PLCL2: variants seen among roughly 807,000 people sequenced by gnomAD.
The protein encoded by PLCL2 is phospholipase C like 2, also known as inactive phospholipase C-like protein 2.
PLCL2 carries 4 observed loss-of-function variants against 79.6 expected under a neutral mutation model. That is an observed-to-expected ratio of 0.05 (90% CI 0.02 to 0.11). The LOEUF is 0.11. Among genes scored for constraint, PLCL2 ranks in the 10% least tolerant of loss-of-function variants. PLCL2 has a pLI of 1.00. For synonymous variants in PLCL2, 484 were observed against 457.7 expected (o/e 1.06, Z -0.73); for missense variants, 895 against 1,291.0 (o/e 0.69, Z 4.70).
chr3:17,018,298 A>T (rs1364720936), intron 3 of PLCL2, among the ~76,000 whole-genome samples: 1 of 152,190 alleles, frequency 6.6e-6, no homozygotes, highest in East Asian at 1.9e-4. Context: ...CAAAAGCTGC[A>T]CATAGCAACC....
At chr3:16,938,824 A>T (rs1697606228) in intron 1 of PLCL2, among the ~76,000 whole-genome samples, 1 of 152,204 alleles carries the variant, frequency 6.6e-6, no homozygotes, top group Non-Finnish European at 1.5e-5. Flanking sequence ...TACTGTTTTC[A>T]TATTTGTACC....
At chr3:16,979,866 CGG>C (rs2063964572) in intron 1 of PLCL2, among the ~76,000 whole-genome samples, 1 of 150,590 alleles carries the variant, frequency 6.6e-6, no homozygotes, top group Non-Finnish European at 1.5e-5. Context: ...ACCTCCCAGA[CGG>C]GGTGGTGGCC....
At chr3:16,984,891 C>T (rs1051743049) in intron 1 of PLCL2, among the ~76,000 whole-genome samples, 3 of 151,952 alleles carry the variant, frequency 2.0e-5, no homozygotes, top group Admixed American at 6.6e-5. Context: ...AAGATCACAC[C>T]ACTGCACTCC....
intron 1 of PLCL2, among the ~76,000 whole-genome samples, chr3:16,994,836 TTATTACATCCA>T (rs1319900412): frequency 1.8e-4 from 27 of 152,200 alleles, no homozygotes; most frequent in African/African-American, 6.3e-4. Flanking sequence ...CACAGCTCCG[TTATTACATCCA>T]GCAAATAATC....
Position 17,046,752 on chromosome 3 carries a change from G to C in PLCL2, c.3094+3803G>C, listed in dbSNP as rs547499189. On this transcript the variant is annotated intron_variant, in intron 4 of 5. Transcript: ENST00000615277. ...ATAATTGGCTTAGCTGCCCACTCAG[G>C]AACCTCAATCTGAAGCTGGTCTTGG... Among the ~76,000 whole-genome samples, 11 of 152,256 alleles carry C rather than the reference G, an allele frequency of 7.2e-5. No individual in the cohort carries two copies. The South Asian group carries it at 1.7e-3, about 23-fold the overall frequency.
chr3:17,040,129 T>A (rs1040182336), intron 3 of PLCL2, among the ~76,000 whole-genome samples: 5 of 152,264 alleles, frequency 3.3e-5, no homozygotes, highest in Non-Finnish European at 7.4e-5. Context: ...TTCTTTTTTT[T>A]ATATATATAC....
intron 1 of PLCL2, among the ~76,000 whole-genome samples, chr3:16,954,175 G>A (rs1465269784): frequency 4.0e-5 from 6 of 151,820 alleles, no homozygotes; most frequent in South Asian, 2.1e-4. Flanking sequence ...ATCCCTCCCC[G>A]CTCCCCCCAG....
chr3:16,974,796 G>T lies in PLCL2; in HGVS notation c.328-34878G>T, dbSNP rs540781184. ...TAAGTCCAAAAGTGTTTTCTCAGTA[G>T]CACTAAGATTTAGTACCTTTGAAAA... On this transcript the variant is annotated intron_variant, in intron 1 of 5. Coordinates refer to ENST00000615277, the MANE Select transcript of PLCL2 (RefSeq NM_001144382.2). 2.0e-5 allele frequency among the ~76,000 whole-genome samples: 3 copies of T among 152,292 alleles called. No individual in the cohort carries two copies. In the East Asian group the frequency reaches 5.8e-4, roughly 29 times the overall value.
At chr3:16,989,873 T>C (rs1266348516) in intron 1 of PLCL2, among the ~76,000 whole-genome samples, 1 of 152,028 alleles carries the variant, frequency 6.6e-6, no homozygotes, top group Admixed American at 6.5e-5. Flanking sequence ...CACTGTATGA[T>C]AAAAAATAGT....
chr3:17,037,313 TG>T (rs982553109), intron 3 of PLCL2, among the ~76,000 whole-genome samples: 21 of 152,144 alleles, frequency 1.4e-4, no homozygotes, highest in African/African-American at 5.1e-4. Flanking sequence ...CATGGCAGTT[TG>T]GGGGGCATTC....
intron 1 of PLCL2, among the ~76,000 whole-genome samples, chr3:16,927,125 TAAAC>T (rs1697275045): frequency 6.6e-6 from 1 of 152,238 alleles, no homozygotes; most frequent in Non-Finnish European, 1.5e-5. Flanking sequence ...AGTGAAATGT[TAAAC>T]AAAATCGTCA....
At chr3:16,935,292 G>T (rs1464543703) in intron 1 of PLCL2, among the ~76,000 whole-genome samples, 1 of 151,878 alleles carries the variant, frequency 6.6e-6, no homozygotes, top group Non-Finnish European at 1.5e-5. Flanking sequence ...TTACTCTTTA[G>T]TTGCTTAACC....
intron 3 of PLCL2, chr3:17,035,822 A>C (rs1390202833): frequency 2.0e-6 from 1 of 508,450 alleles, no homozygotes; most frequent in Non-Finnish European, 3.9e-6. Flanking sequence ...CATGATTTCA[A>C]GTCCTGGCCT....
chr3:16,927,589 G>C (rs947334412), intron 1 of PLCL2, among the ~76,000 whole-genome samples: 1 of 152,162 alleles, frequency 6.6e-6, no homozygotes, highest in Non-Finnish European at 1.5e-5. Flanking sequence ...GTCTAGCACA[G>C]GGTTTCTCAG....
intron 1 of PLCL2, among the ~76,000 whole-genome samples, chr3:16,891,575 C>A (rs1220400117): frequency 6.6e-6 from 1 of 152,154 alleles, no homozygotes; most frequent in African/African-American, 2.4e-5. Context: ...ATGTAAATAG[C>A]CCCAACTATG....
At chr3:16,924,923 G>A (rs1697209016) in intron 1 of PLCL2, among the ~76,000 whole-genome samples, 1 of 151,840 alleles carries the variant, frequency 6.6e-6, no homozygotes, top group South Asian at 2.1e-4. Flanking sequence ...CAGAATACAA[G>A]TTTGTTTGTT....
At chr3:17,060,347 A>AT (rs1300152737) in intron 4 of PLCL2, among the ~76,000 whole-genome samples, 1 of 152,230 alleles carries the variant, frequency 6.6e-6, no homozygotes, top group Non-Finnish European at 1.5e-5. Context: ...AACCTGGTTT[A>AT]TCTTTTCCAT....
At chr3:16,954,924 C>T (rs886122461) in intron 1 of PLCL2, among the ~76,000 whole-genome samples, 20 of 152,096 alleles carry the variant, frequency 1.3e-4, no homozygotes, top group African/African-American at 4.6e-4. Flanking sequence ...TTCTGGATAT[C>T]AGCCCTTTGT....
rs116374175 is a variant in PLCL2 at position 17,081,261 on chromosome 3, C to G, written c.3205-8472C>G. ...ATGGTATGAGTACCCTCCTCCTTCTCCTCCCTCACACTGCATGTGATTTGG... is the reference window on the plus strand; with the variant it reads ...ATGGTATGAGTACCCTCCTCCTTCTGCTCCCTCACACTGCATGTGATTTGG... On this transcript the variant is annotated intron_variant, in intron 5 of 5. Coordinates refer to ENST00000615277, the MANE Select transcript of PLCL2 (RefSeq NM_001144382.2). 4.3e-3 allele frequency: 1,947 copies of G among 456,690 alleles called. 39 individuals are homozygous for G. Among genetic ancestry groups the G allele is most frequent in the African/African-American group, 0.034 (1,707 of 50,186 alleles). 28.3% of individuals were successfully genotyped at this position (456,690 alleles called of 1,614,324 possible).
Sources: allele counts gnomAD v4.1 joint callset (sites outside exome capture counted in the v4.1 genomes callset), GRCh38; gene constraint gnomAD v4.1.1; transcripts MANE v1.5; gene names NCBI Gene and HGNC (gene_info 2026-07-23, HGNC 2026-07-21).